NR3C2: variants seen among roughly 807,000 people sequenced by gnomAD.
NR3C2 encodes the protein nuclear receptor subfamily 3 group C member 2, also known as mineralocorticoid receptor.
In NR3C2, 15 loss-of-function variants were observed where a neutral mutation model predicts 86.4. The ratio of observed to expected loss-of-function variants is 0.17; its 90% CI spans 0.12 to 0.27. The LOEUF (loss-of-function observed/expected upper bound fraction) is 0.27, where lower values mean the gene tolerates loss of function less well. Among genes scored for constraint, NR3C2 ranks in the 10% least tolerant of loss-of-function variants. The probability of loss-of-function intolerance (pLI) is 1.00; values close to 1 mark genes in which losing one functional copy is unlikely to be tolerated. For missense variants in NR3C2, 960 were observed against 1,195.6 expected (o/e 0.80, Z 2.91); for synonymous variants, 458 against 450.5 (o/e 1.02, Z -0.21).
intron 2 of NR3C2, among the ~76,000 whole-genome samples, chr4:148,390,690 T>C (rs1747500814): frequency 6.6e-6 from 1 of 152,240 alleles, no homozygotes; most frequent in Non-Finnish European, 1.5e-5. Flanking sequence ...ACGGTTGATT[T>C]GTTGCATAAA....
rs983953404 is a variant in NR3C2, at chr4:148,361,847, T to C, written c.1757+73257A>G. Among the ~76,000 whole-genome samples the C allele has an allele frequency of 5.9e-5, 9 of 152,356 alleles. No individual in the cohort carries two copies. In the East Asian group the frequency reaches 1.4e-3, roughly 23 times the overall value. On this transcript the variant is annotated intron_variant, in intron 2 of 8. Coordinates refer to ENST00000358102, the MANE Select transcript of NR3C2 (RefSeq NM_000901.5). ...TAAAGTTTTGTTGTTATTATTGTTT[T>C]TGTTTTTGAGACAGAGTTTCACTCC...
chr4:148,383,858 G>A (rs1056602921), intron 2 of NR3C2, among the ~76,000 whole-genome samples: 7 of 150,484 alleles, frequency 4.7e-5, no homozygotes, highest in African/African-American at 9.8e-5. Context: ...TGAGGCAGGA[G>A]AATTGCTTGA....
intron 2 of NR3C2, among the ~76,000 whole-genome samples, chr4:148,379,842 T>C (rs1260913254): frequency 6.8e-6 from 1 of 147,026 alleles, no homozygotes; most frequent in Non-Finnish European, 1.5e-5. Flanking sequence ...AGATGCTCAC[T>C]TATTAAGTCC....
intron 3 of NR3C2, among the ~76,000 whole-genome samples, chr4:148,251,239 G>A (rs963743511): frequency 1.3e-5 from 2 of 152,036 alleles, no homozygotes; most frequent in African/African-American, 2.4e-5. Context: ...GATTACAGGC[G>A]TGAGCCACCG....
At chr4:148,336,433 G>A (rs1561049844) in intron 2 of NR3C2, among the ~76,000 whole-genome samples, 1 of 152,148 alleles carries the variant, frequency 6.6e-6, no homozygotes, top group Non-Finnish European at 1.5e-5. Flanking sequence ...TGCCCAATGT[G>A]TTCAGCTAAA....
chr4:148,284,097 G>A (rs1244709112), intron 2 of NR3C2, among the ~76,000 whole-genome samples: 2 of 152,198 alleles, frequency 1.3e-5, no homozygotes, highest in African/African-American at 4.8e-5. Flanking sequence ...GCCTAATGGA[G>A]CACGCAGGAG....
rs376211097 is a variant in NR3C2 at position 148,158,224 on chromosome 4, A to G, written c.2015-3323T>C. Among the ~76,000 whole-genome samples the G allele has an allele frequency of 2.0e-4, 30 of 152,310 alleles. No homozygotes were observed. In the East Asian group the frequency reaches 2.5e-3, roughly 13 times the overall value. Reference sequence around the variant, plus strand: ...ATGGATGAGTGAACAAATGAAAAATACTCAGCAAAGTGCCTCAAAAACTAG... The same window carrying G: ...ATGGATGAGTGAACAAATGAAAAATGCTCAGCAAAGTGCCTCAAAAACTAG... On this transcript the variant is annotated intron_variant, in intron 4 of 8. Transcript: ENST00000358102.
chr4:148,300,135 C>A (rs1019998304), intron 2 of NR3C2, among the ~76,000 whole-genome samples: 2 of 152,220 alleles, frequency 1.3e-5, no homozygotes, highest in Admixed American at 1.3e-4. Flanking sequence ...TGCTGCAGGC[C>A]TCCATCTTGT....
intron 2 of NR3C2, among the ~76,000 whole-genome samples, chr4:148,345,321 T>C (rs542282340): frequency 6.6e-6 from 1 of 152,094 alleles, no homozygotes; most frequent in Admixed American, 6.6e-5. Context: ...CAGACCCATG[T>C]AAATAAGACA....
chr4:148,318,970 G>A (rs1743391808), intron 2 of NR3C2, among the ~76,000 whole-genome samples: 2 of 151,310 alleles, frequency 1.3e-5, no homozygotes, highest in South Asian at 4.2e-4. Context: ...GTCCTGAATG[G>A]TAATGCCTAG....
chr4:148,357,853 T>G (rs1432459331), intron 2 of NR3C2, among the ~76,000 whole-genome samples: 30 of 151,978 alleles, frequency 2.0e-4, no homozygotes, highest in Admixed American at 1.9e-3. Context: ...TGAGGAGGGT[T>G]AAAAAAAATG....
At position 148,080,882 on chromosome 4, in the gene NR3C2, TTG is replaced by T. The variant is rs975924448; in HGVS notation, c.*460_*461del. 48 of 363,920 alleles carry T rather than the reference TTG, an allele frequency of 1.3e-4. No homozygotes were observed. Among genetic ancestry groups the T allele is most frequent in the Middle Eastern group, 5.2e-4 (1 of 1,914 alleles). 22.5% of individuals were successfully genotyped at this position (363,920 alleles called of 1,614,324 possible). The stretch of plus-strand genomic sequence containing the variant: ...CTGTATATATTTTTTTATTATTTTT[TTG>T]TGTTTTTTTAATAACAAAAGAATAT... On this transcript the variant is annotated 3_prime_UTR_variant, in exon 9 of 9. Coordinates refer to ENST00000358102, the MANE Select transcript of NR3C2 (RefSeq NM_000901.5).
chr4:148,282,838 G>A (rs1180181375), intron 2 of NR3C2, among the ~76,000 whole-genome samples: 1 of 152,050 alleles, frequency 6.6e-6, no homozygotes, highest in African/African-American at 2.4e-5. Flanking sequence ...ATATAAGAGA[G>A]GGACATAAGC....
intron 3 of NR3C2, among the ~76,000 whole-genome samples, chr4:148,249,773 G>A (rs150107160): frequency 9.2e-5 from 14 of 152,244 alleles, no homozygotes; most frequent in African/African-American, 3.4e-4. Flanking sequence ...GGAAGGTGAC[G>A]CTTTTGTAAA....
intron 3 of NR3C2, among the ~76,000 whole-genome samples, chr4:148,232,683 T>C (rs1224989800): frequency 6.6e-6 from 1 of 152,222 alleles, no homozygotes; most frequent in Non-Finnish European, 1.5e-5. Context: ...TTCTTCTAAC[T>C]ATCAAAGTCA....
intron 4 of NR3C2, among the ~76,000 whole-genome samples, chr4:148,180,695 A>G (rs1735604978): frequency 6.6e-6 from 1 of 152,184 alleles, no homozygotes; most frequent in Non-Finnish European, 1.5e-5. Flanking sequence ...TCACAGAGTA[A>G]GTGACCTAAA....
At chr4:148,439,665 A>C (rs925068244) in intron 1 of NR3C2, among the ~76,000 whole-genome samples, 2 of 152,088 alleles carry the variant, frequency 1.3e-5, no homozygotes, top group African/African-American at 4.8e-5. Context: ...TCCCTATATA[A>C]ATTTGCATAT....
intron 2 of NR3C2, among the ~76,000 whole-genome samples, chr4:148,423,330 C>T (rs1749373392): frequency 6.6e-6 from 1 of 152,080 alleles, no homozygotes; most frequent in Admixed American, 6.5e-5. Flanking sequence ...CCATTAAACC[C>T]ATCCAGGCAA....
In NR3C2 at chr4:148,340,960, C is replaced by CA. The variant is rs139137321; in HGVS notation, c.1758-80844dup. On this transcript the variant is annotated intron_variant, in intron 2 of 8. Coordinates refer to ENST00000358102, the MANE Select transcript of NR3C2 (RefSeq NM_000901.5). ...GTTAAAATGGCTTTTATCAAAAAGA[C>CA]AAAAAAAAATAACAGTTGCTGGTAA... Among the ~76,000 whole-genome samples, 195 of 147,560 alleles carry CA rather than the reference C, an allele frequency of 1.3e-3. 1 individual carries two copies. Among genetic ancestry groups the CA allele is most frequent in the African/African-American group, 2.0e-3 (80 of 40,292 alleles).
Sources: gnomAD v4.1 joint callset for allele counts (sites outside exome capture counted in the v4.1 genomes callset) on GRCh38, gnomAD v4.1.1 for gene constraint, MANE v1.5 for transcripts, NCBI Gene and HGNC (gene_info 2026-07-23, HGNC 2026-07-21) for gene names.